Variants in MDGA2 observed in about 807,000 individuals in gnomAD.
MDGA2 encodes the protein MAM domain-containing glycosylphosphatidylinositol anchor protein 2.
MDGA2 carries 40 observed loss-of-function variants against 117.8 expected under a neutral mutation model. The observed-to-expected ratio is 0.34, with a 90% confidence interval of 0.26 to 0.44. MDGA2 has a LOEUF of 0.44. Among genes scored for constraint, MDGA2 ranks in the 20% least tolerant of loss-of-function variants. MDGA2 has a pLI of 1.00. For synonymous variants in MDGA2, 452 were observed against 439.0 expected, an observed-to-expected ratio of 1.03 and a Z score of -0.37; for missense variants, 1,123 against 1,250.6, an observed-to-expected ratio of 0.90 and a Z score of 1.54.
chr14:47,414,306 G>A (rs1167333424), intron 1 of MDGA2, among the ~76,000 whole-genome samples: 1 of 152,100 alleles, frequency 6.6e-6, no homozygotes, highest in Non-Finnish European at 1.5e-5. Flanking sequence ...TATGGCTTTG[G>A]CCTAATAACT....
chr14:46,964,781 T>C (rs1449385643), intron 8 of MDGA2, among the ~76,000 whole-genome samples: 1 of 152,174 alleles, frequency 6.6e-6, no homozygotes. Flanking sequence ...AAGTTATATT[T>C]GTATTTGCCT....
intron 5 of MDGA2, among the ~76,000 whole-genome samples, chr14:47,105,841 C>T (rs914047494): frequency 5.9e-5 from 9 of 152,022 alleles, no homozygotes; most frequent in African/African-American, 1.9e-4. Flanking sequence ...CCTCTCCCCT[C>T]CTCCCCAGGC....
intron 10 of MDGA2, among the ~76,000 whole-genome samples, chr14:46,883,938 T>C (rs1312595481): frequency 2.0e-5 from 3 of 152,126 alleles, no homozygotes; most frequent in Non-Finnish European, 4.4e-5. Flanking sequence ...AATATGTGTC[T>C]GATATTTTTC....
intron 14 of MDGA2, among the ~76,000 whole-genome samples, chr14:46,867,814 T>C (rs1170078197): frequency 6.6e-6 from 1 of 152,062 alleles, no homozygotes; most frequent in African/African-American, 2.4e-5. Context: ...TATGCATTTC[T>C]CTTTGCATTA....
intron 3 of MDGA2, among the ~76,000 whole-genome samples, chr14:47,216,039 C>T (rs1160805245): frequency 6.6e-6 from 1 of 151,998 alleles, no homozygotes; most frequent in African/African-American, 2.4e-5. Context: ...GATAACAGTG[C>T]TATTATTTCC....
intron 9 of MDGA2, among the ~76,000 whole-genome samples, chr14:46,931,030 C>A (rs974149500): frequency 5.3e-5 from 8 of 151,948 alleles, no homozygotes; most frequent in African/African-American, 9.7e-5. Context: ...GTCTGACTAA[C>A]ATGGTGAAAC....
intron 1 of MDGA2, among the ~76,000 whole-genome samples, chr14:47,389,230 T>C (rs953215259): frequency 6.6e-6 from 1 of 152,168 alleles, no homozygotes; most frequent in South Asian, 2.1e-4. Flanking sequence ...ATACTTTGGA[T>C]CCATGAAATG....
At chr14:47,127,748 A>C (rs971087645) in intron 5 of MDGA2, among the ~76,000 whole-genome samples, 13 of 152,028 alleles carry the variant, frequency 8.6e-5, no homozygotes, top group African/African-American at 3.1e-4. Flanking sequence ...CTAGTACAGC[A>C]CTCCTGTGAC....
At chr14:46,992,686 C>T (rs1030405943) in intron 8 of MDGA2, among the ~76,000 whole-genome samples, 2 of 152,070 alleles carry the variant, frequency 1.3e-5, no homozygotes, top group Non-Finnish European at 2.9e-5. Flanking sequence ...GACCGGAGTT[C>T]TCCAGTAATC....
In MDGA2 at chr14:47,478,242, G is replaced by A. The variant is rs76042441; in HGVS notation, c.281-176692C>T. 7.9e-5 allele frequency among the ~76,000 whole-genome samples: 12 copies of A among 152,264 alleles called. No homozygotes were observed. The East Asian group carries it at 2.3e-3, about 29-fold the overall frequency. The stretch of plus-strand genomic sequence containing the variant: ...AGTGCAGAGCTTTCTTGTGTTACTT[G>A]AAGGAGACATATTTTTAACATGCAG... On this transcript the variant is annotated intron_variant, in intron 1 of 16. Coordinates refer to ENST00000399232, the MANE Select transcript of MDGA2 (RefSeq NM_001113498.3).
At chr14:47,301,610 A>G (rs1180227989) in intron 1 of MDGA2, 60 bp from the exon 2 acceptor site, 2 of 1,524,414 alleles carry the variant, frequency 1.3e-6, no homozygotes, top group Non-Finnish European at 8.9e-7. Flanking sequence ...TGATCTTCTC[A>G]TGAACCATCT....
At chr14:47,216,175 A>G (rs1375840777) in intron 3 of MDGA2, among the ~76,000 whole-genome samples, 1 of 152,158 alleles carries the variant, frequency 6.6e-6, no homozygotes, top group African/African-American at 2.4e-5. Context: ...TAGTAAAAGG[A>G]AAAGAGAAAA....
At chr14:47,033,159 A>G (rs748295279) in intron 8 of MDGA2, among the ~76,000 whole-genome samples, 35 of 152,192 alleles carry the variant, frequency 2.3e-4, no homozygotes, top group Non-Finnish European at 1.6e-4. Context: ...CTTATGCTGA[A>G]TTTATTTTCT....
At chr14:47,548,816 A>G (rs747583485) in intron 1 of MDGA2, among the ~76,000 whole-genome samples, 13 of 152,056 alleles carry the variant, frequency 8.5e-5, no homozygotes, top group Non-Finnish European at 1.5e-4. Flanking sequence ...ACATTATCAT[A>G]TCTCCTATGG....
chr14:47,196,849 A>G (rs1253705682), intron 3 of MDGA2, among the ~76,000 whole-genome samples: 1 of 152,086 alleles, frequency 6.6e-6, no homozygotes, highest in Non-Finnish European at 1.5e-5. Flanking sequence ...TCCCCAGTCT[A>G]TTGTTCCCTT....
At chr14:47,351,291 A>T (rs1387032517) in intron 1 of MDGA2, among the ~76,000 whole-genome samples, 1 of 152,032 alleles carries the variant, frequency 6.6e-6, no homozygotes, top group Non-Finnish European at 1.5e-5. Context: ...CATGTTGGCC[A>T]GGCTGGTCTC....
intron 3 of MDGA2, among the ~76,000 whole-genome samples, chr14:47,165,900 T>G (rs1003877510): frequency 1.3e-5 from 2 of 152,214 alleles, no homozygotes; most frequent in African/African-American, 2.4e-5. Flanking sequence ...ATTTTTGTTC[T>G]ACCTTGATTT....
chr14:47,080,448 A>C (rs1222249871), intron 6 of MDGA2, among the ~76,000 whole-genome samples: 2 of 152,142 alleles, frequency 1.3e-5, no homozygotes, highest in African/African-American at 4.8e-5. Flanking sequence ...GTTAGTTTTA[A>C]ATTATTTTGT....
At chr14:46,983,708 C>T (rs1886766339) in intron 8 of MDGA2, among the ~76,000 whole-genome samples, 1 of 152,022 alleles carries the variant, frequency 6.6e-6, no homozygotes, top group South Asian at 2.1e-4. Flanking sequence ...AATTTTTTGG[C>T]ACTTCACACA....
Sources: gnomAD v4.1 joint callset for allele counts (sites outside exome capture counted in the v4.1 genomes callset) on GRCh38, gnomAD v4.1.1 for gene constraint, MANE v1.5 for transcripts, NCBI Gene and HGNC (gene_info 2026-07-23, HGNC 2026-07-21) for gene names.